The following CMPK1 variants were observed in gnomAD, a reference collection of about 807,000 sequenced individuals.
CMPK1 encodes UMP-CMP kinase.
In CMPK1, 10 loss-of-function variants were observed where a neutral mutation model predicts 25.7. The ratio of observed to expected loss-of-function variants is 0.39; its 90% CI spans 0.24 to 0.66. CMPK1 has a LOEUF of 0.66. Among genes scored for constraint, CMPK1 ranks in the 30% least tolerant of loss-of-function variants. The pLI is 0.48. For synonymous variants in CMPK1, 106 were observed against 101.5 expected (o/e 1.04, Z -0.27); for missense variants, 199 against 280.5 (o/e 0.71, Z 2.08).
intron 5 of CMPK1, among the ~76,000 whole-genome samples, 158 bp downstream of exon 5, chr1:47,375,451 C>T (rs1257953662): frequency 6.6e-6 from 1 of 151,770 alleles, no homozygotes; most frequent in Non-Finnish European, 1.5e-5. Context: ...AATCCCAGCA[C>T]AAGTGTTCAA....
At chr1:47,372,839 C>T (rs868337013) in intron 2 of CMPK1, 116 bp from the exon 3 acceptor site, 22 of 608,972 alleles carry the variant, frequency 3.6e-5, no homozygotes, top group African/African-American at 3.3e-4. Context: ...ATGTACCCTC[C>T]ACCCTTTACT....
chr1:47,360,364 T>A (rs1252555269), intron 1 of CMPK1, among the ~76,000 whole-genome samples: 1 of 152,126 alleles, frequency 6.6e-6, no homozygotes, highest in Admixed American at 6.5e-5. Context: ...TCCTATAGGG[T>A]CCATTTGGCA....
rs544366235 is a variant in CMPK1, at chr1:47,343,464, C to T, written c.171+9348C>T. On this transcript the variant is annotated intron_variant, in intron 1 of 5. Transcript: ENST00000371873. ...AGGACGTCGTAGTGAGCCAAGACCA[C>T]ACCATTGCACTCCAGCCTGGGCAAC... Among the ~76,000 whole-genome samples the T allele has an allele frequency of 1.2e-3, 178 of 151,194 alleles. 1 individual carries two copies. Among genetic ancestry groups the T allele is most frequent in the Non-Finnish European group, 2.3e-3 (159 of 67,766 alleles).
rs987382635 is a variant in CMPK1, at chr1:47,360,106, G to A, written c.172-8363G>A. Among the ~76,000 whole-genome samples the A allele has an allele frequency of 1.2e-4, 18 of 152,118 alleles. 1 individual carries two copies. Among genetic ancestry groups the A allele is most frequent in the African/African-American group, 3.6e-4 (15 of 41,404 alleles). On this transcript the variant is annotated intron_variant, in intron 1 of 5. Transcript: ENST00000371873. The stretch of plus-strand genomic sequence containing the variant: ...ATTTAATTAACAAGACTAAGTGAGC[G>A]TTTCCTAAGAGTAACAAGACCCCTG...
intron 1 of CMPK1, among the ~76,000 whole-genome samples, chr1:47,355,145 C>A (rs1646550769): frequency 6.6e-6 from 1 of 151,862 alleles, no homozygotes; most frequent in Non-Finnish European, 1.5e-5. Context: ...CTGCTGGGTT[C>A]AAGCAATTCT....
intron 5 of CMPK1, 117 bp downstream of exon 5, chr1:47,375,410 C>A: frequency 1.5e-6 from 1 of 675,290 alleles, no homozygotes; most frequent in Non-Finnish European, 2.4e-6. Context: ...TTTCAAGACA[C>A]TGGAAGCCAG....
chr1:47,361,564 A>G (rs1225906964), intron 1 of CMPK1, among the ~76,000 whole-genome samples: 3 of 152,204 alleles, frequency 2.0e-5, no homozygotes, highest in Non-Finnish European at 1.5e-5. Flanking sequence ...GTCCAATCAC[A>G]GTTACAGTGG....
At position 47,374,921 on chromosome 1, in the gene CMPK1, C is replaced by T; in HGVS notation, c.484C>T (p.Arg162Ter). The change falls in exon 4 of 6, where the codon CGA becomes TGA. Residue 162 changes from arginine to a stop codon, truncating the protein, a stop_gained. Coordinates refer to ENST00000371873, the MANE Select transcript of CMPK1 (RefSeq NM_016308.3). LOFTEE classifies it high-confidence loss of function. ...FDCNNEICIE[R>*]CLERGKSSGR... ...TATCTCTTTTTAGATTTGTATTGAACGATGTCTTGAGAGGGGAAAGAGTAG... is the reference window on the plus strand; with the variant it reads ...TATCTCTTTTTAGATTTGTATTGAATGATGTCTTGAGAGGGGAAAGAGTAG... 1.9e-6 allele frequency: 3 copies of T among 1,610,252 alleles called. No individual in the cohort carries two copies. The highest frequency in any genetic ancestry group is 1.7e-6 in the Non-Finnish European group (2 of 1,177,106).
rs1646506811 is a variant in CMPK1 at position 47,349,434 on chromosome 1, A to G, written c.171+15318A>G. On this transcript the variant is annotated intron_variant, in intron 1 of 5. Transcript: ENST00000371873. The stretch of plus-strand genomic sequence containing the variant: ...GGAGTAGATGGTCTTACCAGCTCCA[A>G]AACAGATCTGTACCTCAAAACTTCT... Among the ~76,000 whole-genome samples, 2 of 152,234 alleles carry G rather than the reference A, an allele frequency of 1.3e-5. 1 individual carries two copies. The highest frequency in any genetic ancestry group is 4.1e-4 in the South Asian group (2 of 4,838).
intron 2 of CMPK1, among the ~76,000 whole-genome samples, chr1:47,372,586 C>G (rs1646684123): frequency 6.6e-6 from 1 of 152,036 alleles, no homozygotes; most frequent in Non-Finnish European, 1.5e-5. Flanking sequence ...GGTTATTTTC[C>G]TCTTATTGCC....
intron 1 of CMPK1, among the ~76,000 whole-genome samples, chr1:47,337,299 TAAATA>T (rs1433189258): frequency 6.6e-6 from 1 of 151,900 alleles, no homozygotes; most frequent in Non-Finnish European, 1.5e-5. Context: ...ATAAAATAAA[TAAATA>T]AATAAATACA....
chr1:47,347,596 T>C (rs1646494339), intron 1 of CMPK1, among the ~76,000 whole-genome samples: 1 of 152,118 alleles, frequency 6.6e-6, no homozygotes, highest in South Asian at 2.1e-4. Context: ...TTGAAAGGAA[T>C]GTGCCATGAT....
chr1:47,346,575 C>G (rs182714021), intron 1 of CMPK1, among the ~76,000 whole-genome samples: 1 of 151,942 alleles, frequency 6.6e-6, no homozygotes, highest in Non-Finnish European at 1.5e-5. Flanking sequence ...GCGATCTCAA[C>G]TCACTGCAAC....
chr1:47,375,208 A>T lies in CMPK1; in HGVS notation c.560A>T (p.Tyr187Phe). Residue 187 changes from tyrosine to phenylalanine, a missense_variant, in exon 5 of 6, where the codon TAC becomes TTC. By Grantham distance (22) the Tyr-to-Phe change is conservative. Around this residue, in one of 2 missense-constraint regions of CMPK1, gnomAD observed 140 missense variants for 235.5 expected, o/e 0.59. Coordinates refer to ENST00000371873, the MANE Select transcript of CMPK1 (RefSeq NM_016308.3). Reference sequence around the variant, plus strand: ...TACTTCTTTTGCAGAATTCAGACCTACCTTCAGTCAACAAAGCCAATTATT... The same window carrying T: ...TACTTCTTTTGCAGAATTCAGACCTTCCTTCAGTCAACAAAGCCAATTATT... The part of the protein sequence containing the change: ...RESLEKRIQT[Y>F]LQSTKPIIDL... The T allele has an allele frequency of 6.2e-7, 1 of 1,609,676 alleles. No individual in the cohort carries two copies. The highest frequency in any genetic ancestry group is 1.1e-5 in the South Asian group (1 of 90,132).
intron 1 of CMPK1, chr1:47,358,342 G>A (rs1418346140): frequency 5.3e-6 from 5 of 951,836 alleles, no homozygotes; most frequent in Non-Finnish European, 7.3e-6. Context: ...CAAACTCCTG[G>A]CCTCGAGCAA....
At chr1:47,366,632 A>G (rs1202510794) in intron 1 of CMPK1, among the ~76,000 whole-genome samples, 3 of 152,298 alleles carry the variant, frequency 2.0e-5, no homozygotes, top group Non-Finnish European at 2.9e-5. Context: ...ACACATGTGT[A>G]TAGGTTTGAC....
At chr1:47,336,667 T>A (rs1570346375) in intron 1 of CMPK1, among the ~76,000 whole-genome samples, 1 of 152,068 alleles carries the variant, frequency 6.6e-6, no homozygotes, top group South Asian at 2.1e-4. Flanking sequence ...GGATGACAGG[T>A]GTGCACTGCC....
chr1:47,337,198 G>T (rs530560075), intron 1 of CMPK1, among the ~76,000 whole-genome samples: 6 of 152,258 alleles, frequency 3.9e-5, no homozygotes, highest in African/African-American at 1.2e-4. Context: ...CAGGAGAATG[G>T]CATGAACCGG....
chr1:47,338,545 C>T (rs1356364968), intron 1 of CMPK1, among the ~76,000 whole-genome samples: 34 of 138,120 alleles, frequency 2.5e-4, no homozygotes, highest in African/African-American at 8.6e-4. Context: ...CCTTCCCTCC[C>T]TCCCTCTCTC....
Sources: allele counts gnomAD v4.1 joint callset (sites outside exome capture counted in the v4.1 genomes callset), GRCh38; gene constraint gnomAD v4.1.1; regional missense constraint gnomAD v4.1.1; transcripts MANE v1.5; gene names NCBI Gene and HGNC (gene_info 2026-07-23, HGNC 2026-07-21).